Variants in MACROD2 observed in about 807,000 individuals in gnomAD.
MACROD2 encodes mono-ADP ribosylhydrolase 2, also known as ADP-ribose glycohydrolase MACROD2.
In MACROD2, 36 loss-of-function variants were observed where a neutral mutation model predicts 70.4. The ratio of observed to expected loss-of-function variants is 0.51; its 90% CI spans 0.39 to 0.68. The LOEUF (loss-of-function observed/expected upper bound fraction) is 0.68. MACROD2 is among the 30% of genes least tolerant of loss of function. The probability of loss-of-function intolerance (pLI) is 0.00; values close to 1 mark genes in which losing one functional copy is unlikely to be tolerated. For missense variants in MACROD2, 496 were observed against 538.4 expected, an observed-to-expected ratio of 0.92 and a Z score of 0.78; for synonymous variants, 172 against 178.8, an observed-to-expected ratio of 0.96 and a Z score of 0.30.
chr20:15,822,347 G>T (rs1343282008), intron 8 of MACROD2, among the ~76,000 whole-genome samples: 1 of 152,022 alleles, frequency 6.6e-6, no homozygotes, highest in Non-Finnish European at 1.5e-5. Context: ...TAAGCCAAAT[G>T]ATATGTGATA....
intron 4 of MACROD2, among the ~76,000 whole-genome samples, chr20:14,671,699 A>G (rs1037244324): frequency 1.3e-5 from 2 of 152,240 alleles, no homozygotes; most frequent in African/African-American, 4.8e-5. Flanking sequence ...TCTCATCTTC[A>G]AATTGACCAA....
At chr20:14,758,042 C>G in intron 5 of MACROD2, 2 of 657,776 alleles carry the variant, frequency 3.0e-6, no homozygotes, top group Admixed American at 4.3e-5. Context: ...TGGACATGGT[C>G]GGCCACCTCA....
chr20:14,189,816 C>T (rs1313105601), intron 3 of MACROD2, among the ~76,000 whole-genome samples: 4 of 152,086 alleles, frequency 2.6e-5, no homozygotes, highest in Non-Finnish European at 5.9e-5. Flanking sequence ...TGTAAGAAGG[C>T]TTTATATATT....
intron 5 of MACROD2, chr20:14,849,878 A>G (rs372918891): frequency 1.0e-5 from 5 of 478,270 alleles, no homozygotes; most frequent in Non-Finnish European, 2.1e-5. Context: ...CCTAACCCTT[A>G]CTCTGGCATT....
chr20:14,758,614 C>A (rs996183852), intron 5 of MACROD2, among the ~76,000 whole-genome samples: 1 of 152,116 alleles, frequency 6.6e-6, no homozygotes, highest in Non-Finnish European at 1.5e-5. Context: ...ATGCACTGTA[C>A]AGCATTTTAA....
intron 3 of MACROD2, among the ~76,000 whole-genome samples, chr20:14,255,259 G>T (rs1431232658): frequency 6.6e-6 from 1 of 152,080 alleles, no homozygotes; most frequent in African/African-American, 2.4e-5. Flanking sequence ...CCATCAGGGT[G>T]CAAAGCAAAG....
intron 8 of MACROD2, among the ~76,000 whole-genome samples, chr20:15,642,594 A>G (rs545860750): frequency 2.9e-5 from 2 of 68,636 alleles, no homozygotes; most frequent in Non-Finnish European, 5.7e-5. Context: ...TGTACCTGTC[A>G]TGAACACACA....
Position 15,864,044 on chromosome 20 carries a change from A to G in MACROD2, c.727+1218A>G, listed in dbSNP as rs546215502. ...TGTGATAAAGAAGAGGACTGTGGTT[A>G]TAATCTTTTTCTCCTCTTCTTTCTC... On this transcript the variant is annotated intron_variant, in intron 9 of 17. Coordinates refer to ENST00000684519, the MANE Select transcript of MACROD2 (RefSeq NM_001351661.2). Among the ~76,000 whole-genome samples, 3 of 152,302 alleles carry G rather than the reference A, an allele frequency of 2.0e-5. No individual in the cohort carries two copies. The East Asian group carries it at 5.8e-4, about 29-fold the overall frequency.
At chr20:15,264,348 G>A (rs911284209) in intron 6 of MACROD2, among the ~76,000 whole-genome samples, 1 of 152,142 alleles carries the variant, frequency 6.6e-6, no homozygotes, top group Non-Finnish European at 1.5e-5. Flanking sequence ...ACCAGTTATT[G>A]CTGGGGCAAA....
At chr20:15,788,293 G>T (rs1270088472) in intron 8 of MACROD2, among the ~76,000 whole-genome samples, 1 of 152,284 alleles carries the variant, frequency 6.6e-6, no homozygotes, top group East Asian at 1.9e-4. Context: ...TGCTGTTGTT[G>T]TGGGTATACT....
At chr20:15,927,772 T>C (rs1466917001) in intron 10 of MACROD2, among the ~76,000 whole-genome samples, 1 of 152,184 alleles carries the variant, frequency 6.6e-6, no homozygotes, top group African/African-American at 2.4e-5. Context: ...AATAGATCAA[T>C]CAGCTAATGA....
chr20:14,023,043 T>G (rs962130795), intron 2 of MACROD2, among the ~76,000 whole-genome samples: 2 of 152,128 alleles, frequency 1.3e-5, no homozygotes, highest in African/African-American at 4.8e-5. Context: ...TCTTCCTATT[T>G]CTCCATGTCC....
chr20:14,488,384 G>A (rs1257218058), intron 3 of MACROD2, among the ~76,000 whole-genome samples: 1 of 152,054 alleles, frequency 6.6e-6, no homozygotes, highest in Non-Finnish European at 1.5e-5. Context: ...TGTCATAAAG[G>A]GTGACTGGTA....
chr20:14,498,770 T>C (rs375019019), intron 4 of MACROD2, among the ~76,000 whole-genome samples: 34 of 152,134 alleles, frequency 2.2e-4, no homozygotes, highest in African/African-American at 6.8e-4. Context: ...GAGGGAATGA[T>C]TTCATAAATT....
intron 6 of MACROD2, among the ~76,000 whole-genome samples, chr20:15,368,987 C>A (rs2045452571): frequency 6.6e-6 from 1 of 152,130 alleles, no homozygotes; most frequent in Admixed American, 6.5e-5. Flanking sequence ...ACCTGTTTGT[C>A]ATGCATATCT....
chr20:15,832,003 C>A (rs1209233560), intron 8 of MACROD2, among the ~76,000 whole-genome samples: 1 of 152,130 alleles, frequency 6.6e-6, no homozygotes, highest in African/African-American at 2.4e-5. Flanking sequence ...ATATCTAAGC[C>A]TTACACTGAG....
At chr20:14,920,064 G>A (rs1244064932) in intron 5 of MACROD2, among the ~76,000 whole-genome samples, 3 of 152,120 alleles carry the variant, frequency 2.0e-5, no homozygotes, top group African/African-American at 7.2e-5. Flanking sequence ...CAAACAGCCG[G>A]CAGCCCTGCA....
chr20:15,236,962 A>G (rs1353492909), intron 6 of MACROD2, among the ~76,000 whole-genome samples: 1 of 152,076 alleles, frequency 6.6e-6, no homozygotes, highest in Non-Finnish European at 1.5e-5. Flanking sequence ...TGGGTGTAGC[A>G]CTGCCCTCTA....
At chr20:15,941,565 A>G (rs983469376) in intron 12 of MACROD2, among the ~76,000 whole-genome samples, 2 of 152,184 alleles carry the variant, frequency 1.3e-5, no homozygotes, top group African/African-American at 4.8e-5. Flanking sequence ...ATATGCGTGG[A>G]GGATTCATTT....
Sources: gnomAD v4.1 joint callset for allele counts (sites outside exome capture counted in the v4.1 genomes callset) on GRCh38, gnomAD v4.1.1 for gene constraint, MANE v1.5 for transcripts, NCBI Gene and HGNC (gene_info 2026-07-23, HGNC 2026-07-21) for gene names.